The following TNKS variants were observed in gnomAD, a reference collection of about 807,000 sequenced individuals.
TNKS encodes the protein tankyrase.
A neutral mutation model predicts 135.8 loss-of-function variants in TNKS; 72 were observed. That is an observed-to-expected ratio of 0.53 (90% confidence interval 0.44 to 0.64). The LOEUF is 0.64. Ranked by LOEUF, TNKS falls within the 30% of genes least tolerant of loss-of-function variation. TNKS has a pLI of 0.00. For missense variants in TNKS, 1,769 were observed against 1,674.0 expected, an observed-to-expected ratio of 1.06 and a Z score of -0.99; for synonymous variants, 849 against 649.3, an observed-to-expected ratio of 1.31 and a Z score of -4.68.
chr8:9,748,088 C>T lies in TNKS; in HGVS notation c.2708C>T (p.Ala903Val), dbSNP rs758963591. The T allele has an allele frequency of 4.3e-6, 7 of 1,613,548 alleles. No homozygotes were observed. The highest frequency in any genetic ancestry group is 2.7e-5 in the African/African-American group (2 of 74,798). Residue 903 changes from alanine (A) to valine (V), a missense_variant, in exon 18 of 27, where the codon GCG becomes GTG. Physicochemically the swap from Ala to Val is moderately conservative, Grantham distance 64. Transcript: ENST00000310430. Reference protein sequence around the residue: ...NTCVNATDKWAFTPLHEAAQK... With the variant: ...NTCVNATDKWVFTPLHEAAQK... Reference sequence around the variant, plus strand: ...TGTGTAAATGCAACAGATAAGTGGGCGTTTACTCCCCTCCATGAAGCAGCC... The same window carrying T: ...TGTGTAAATGCAACAGATAAGTGGGTGTTTACTCCCCTCCATGAAGCAGCC...
rs368167994 is a variant in TNKS, at chr8:9,556,093, G to T, written c.154G>T (p.Gly52Cys). 1.2e-6 allele frequency: 2 copies of T among 1,601,784 alleles called. No homozygotes were observed. Among genetic ancestry groups the T allele is most frequent in the South Asian group, 1.1e-5 (1 of 89,874 alleles). ...CACCCCAGCCTCTCCCACGGCCAGC[G>T]GCCTGGCCCCCTTCGCCTCCCCGCG... is the stretch of plus-strand genomic sequence containing the variant. ...GTTPASPTASGLAPFASPRHG... is the reference protein window; with the variant it reads ...GTTPASPTASCLAPFASPRHG... Residue 52 changes from glycine to cysteine, a missense_variant, in exon 1 of 27, where the codon GGC (glycine) becomes TGC (cysteine). This residue lies in a region of TNKS where 450 missense variants were observed against 304.9 expected (regional missense o/e 1.48). Transcript: ENST00000310430.
At chr8:9,731,144 TTTTG>T (rs1329580175) in intron 14 of TNKS, 109 bp downstream of exon 14, 7 of 1,298,554 alleles carry the variant, frequency 5.4e-6, no homozygotes, top group African/African-American at 4.6e-5. Context: ...AATCGTTATT[TTTTG>T]TTTAAAACAT....
At chr8:9,764,915 T>C (rs1407992716) in intron 23 of TNKS, 125 bp downstream of exon 23, 6 of 624,806 alleles carry the variant, frequency 9.6e-6, no homozygotes, top group Non-Finnish European at 1.6e-5. Context: ...GTCACCTGTC[T>C]GAAGTCAGAT....
intron 1 of TNKS, among the ~76,000 whole-genome samples, chr8:9,570,625 C>G (rs968663942): frequency 6.6e-6 from 1 of 152,220 alleles, no homozygotes; most frequent in Admixed American, 6.5e-5. Flanking sequence ...GGCCTCAATC[C>G]TCTATATGGC....
chr8:9,689,572 T>C (rs1803165083), intron 5 of TNKS, among the ~76,000 whole-genome samples: 3 of 152,204 alleles, frequency 2.0e-5, no homozygotes, highest in South Asian at 4.1e-4. Flanking sequence ...CATAAAATAA[T>C]CTACTTTCAG....
chr8:9,557,683 T>G (rs1815384080), intron 1 of TNKS: 1 of 152,108 alleles, frequency 6.6e-6, no homozygotes, highest in Non-Finnish European at 1.5e-5. Context: ...AGATAACTTC[T>G]GTTAAGTTTC....
chr8:9,664,271 C>T, intron 3 of TNKS, among the ~76,000 whole-genome samples: 1 of 152,244 alleles, frequency 6.6e-6, no homozygotes, highest in East Asian at 1.9e-4. Context: ...GCAAAGACGA[C>T]ATGGCAAGGG....
chr8:9,663,004 G>C (rs1801799116), intron 3 of TNKS, among the ~76,000 whole-genome samples: 2 of 152,324 alleles, frequency 1.3e-5, no homozygotes, highest in South Asian at 4.1e-4. Context: ...GATAGGCCCA[G>C]TATAATCACA....
chr8:9,680,902 T>C, intron 5 of TNKS, 102 bp downstream of exon 5: 1 of 772,348 alleles, frequency 1.3e-6, no homozygotes, highest in Non-Finnish European at 2.2e-6. Flanking sequence ...GGCTTTATTT[T>C]AACTGGCATC....
chr8:9,710,828 G>A (rs967837435), intron 11 of TNKS, among the ~76,000 whole-genome samples: 2 of 152,198 alleles, frequency 1.3e-5, no homozygotes, highest in African/African-American at 2.4e-5. Context: ...CCTGGGAGGC[G>A]AAGCTTGCAG....
intron 17 of TNKS, among the ~76,000 whole-genome samples, chr8:9,746,073 C>T (rs1806219781): frequency 6.6e-6 from 1 of 152,088 alleles, no homozygotes; most frequent in Non-Finnish European, 1.5e-5. Context: ...AGTCGAGCAG[C>T]AGCATGAGTT....
intron 3 of TNKS, among the ~76,000 whole-genome samples, chr8:9,616,392 A>T (rs1291988439): frequency 6.6e-6 from 1 of 152,164 alleles, no homozygotes; most frequent in Non-Finnish European, 1.5e-5. Context: ...TATTCTTAGC[A>T]TCTGAGTCCT....
chr8:9,773,223 G>GTCA (rs112605214), intron 26 of TNKS, among the ~76,000 whole-genome samples: 2,424 of 152,020 alleles, frequency 0.016, 35 homozygotes, highest in African/African-American at 0.04. Context: ...TATATGAATA[G>GTCA]TCATCACTGT....
At chr8:9,568,180 C>T (rs1360166657) in intron 1 of TNKS, among the ~76,000 whole-genome samples, 1 of 152,182 alleles carries the variant, frequency 6.6e-6, no homozygotes, top group East Asian at 1.9e-4. Flanking sequence ...GAAATTCAAG[C>T]AAGCTGCATG....
At chr8:9,675,511 A>T (rs1442666389) in intron 3 of TNKS, among the ~76,000 whole-genome samples, 1 of 152,224 alleles carries the variant, frequency 6.6e-6, no homozygotes, top group African/African-American at 2.4e-5. Context: ...ATTGGAATAG[A>T]CCTCAGTGAA....
Position 9,765,878 on chromosome 8 carries a change from A to T in TNKS, c.3553+81A>T, listed in dbSNP as rs1239667111. The stretch of plus-strand genomic sequence containing the variant: ...AAAGGGAAAAACCTACGTTAAATTG[A>T]CTATAATACGGTTGTGTTAAAAACG... On this transcript the variant is annotated intron_variant, in intron 24 of 26. Transcript: ENST00000310430. 5 of 1,152,684 alleles carry T rather than the reference A, an allele frequency of 4.3e-6. No homozygotes were observed. The African/African-American group carries it at 7.7e-5, about 18-fold the overall frequency. 71.4% of individuals were successfully genotyped at this position (1,152,684 alleles called of 1,614,324 possible).
intron 5 of TNKS, among the ~76,000 whole-genome samples, chr8:9,686,839 A>G (rs554066612): frequency 9.5e-5 from 14 of 147,956 alleles, no homozygotes; most frequent in Non-Finnish European, 1.0e-4. Context: ...AAATTTTATC[A>G]TATCTCTGAG....
At chr8:9,707,265 A>G (rs1438652192) in intron 8 of TNKS, among the ~76,000 whole-genome samples, 3 of 152,206 alleles carry the variant, frequency 2.0e-5, no homozygotes, top group Non-Finnish European at 4.4e-5. Flanking sequence ...GGATGAGTCA[A>G]TCAGCATCCA....
chr8:9,685,314 A>G (rs1274851287), intron 5 of TNKS, among the ~76,000 whole-genome samples: 5 of 152,144 alleles, frequency 3.3e-5, no homozygotes, highest in Non-Finnish European at 1.5e-5. Context: ...GTGTGTGTCT[A>G]TGGCTCTAGA....
Sources: allele counts gnomAD v4.1 joint callset (sites outside exome capture counted in the v4.1 genomes callset), GRCh38; gene constraint gnomAD v4.1.1; regional missense constraint gnomAD v4.1.1; transcripts MANE v1.5; gene names NCBI Gene and HGNC (gene_info 2026-07-23, HGNC 2026-07-21).